SDK1: variants seen among roughly 807,000 people sequenced by gnomAD.
SDK1 encodes the protein protein sidekick-1.
A neutral mutation model predicts 245.5 loss-of-function variants in SDK1; 157 were observed. That is an observed-to-expected ratio of 0.64 (90% CI 0.56 to 0.73). The LOEUF is 0.73. Ranked by LOEUF, SDK1 falls within the 30% of genes least tolerant of loss-of-function variation. SDK1 has a pLI of 0.00. For synonymous variants in SDK1, 1,647 were observed against 1,278.5 expected, an observed-to-expected ratio of 1.29 and a Z score of -6.15; for missense variants, 3,583 against 3,002.3, an observed-to-expected ratio of 1.19 and a Z score of -4.52.
chr7:3,995,112 C>A (rs1196806985), intron 14 of SDK1, among the ~76,000 whole-genome samples: 1 of 152,174 alleles, frequency 6.6e-6, no homozygotes, highest in Non-Finnish European at 1.5e-5. Context: ...TACTATCTGA[C>A]CACCCCCTGC....
chr7:4,175,868 G>A lies in SDK1; in HGVS notation c.4996+34G>A, dbSNP rs761429010. On this transcript the variant is annotated intron_variant, in intron 34 of 44. Coordinates refer to ENST00000404826, the MANE Select transcript of SDK1 (RefSeq NM_152744.4). ...GCTCTCAGCGGGAGGCCCATGCCGC[G>A]AGGCGCACACACTGTGCCCAGAGCC... 3.3e-5 allele frequency: 52 copies of A among 1,587,462 alleles called. No homozygotes were observed. In the South Asian group the frequency reaches 3.3e-4, roughly 10 times the overall value.
chr7:3,570,847 A>G (rs1780092442), intron 1 of SDK1, among the ~76,000 whole-genome samples: 1 of 152,054 alleles, frequency 6.6e-6, no homozygotes, highest in Non-Finnish European at 1.5e-5. Flanking sequence ...TTTTGTCAAT[A>G]TATAAATCTT....
At chr7:4,147,288 C>T (rs1780045947) in intron 29 of SDK1, among the ~76,000 whole-genome samples, 1 of 152,152 alleles carries the variant, frequency 6.6e-6, no homozygotes, top group Admixed American at 6.5e-5. Flanking sequence ...TCAAGCAATG[C>T]TCCCACCTCA....
chr7:4,182,426 A>C (rs1328209073), intron 35 of SDK1, among the ~76,000 whole-genome samples: 2 of 152,360 alleles, frequency 1.3e-5, no homozygotes, highest in East Asian at 3.9e-4. Context: ...AGAGGGGATC[A>C]GAATACCTTT....
chr7:3,374,552 T>A (rs990902280), intron 1 of SDK1, among the ~76,000 whole-genome samples: 1 of 152,162 alleles, frequency 6.6e-6, no homozygotes, highest in Admixed American at 6.5e-5. Context: ...CTTTGGCCAC[T>A]ATACAGGTCT....
intron 1 of SDK1, among the ~76,000 whole-genome samples, chr7:3,586,645 C>A (rs1780697975): frequency 6.8e-6 from 1 of 146,376 alleles, no homozygotes; most frequent in African/African-American, 2.5e-5. Flanking sequence ...GTGGAGGTTG[C>A]AGTGAGCTGA....
chr7:3,883,307 C>G (rs1781252593), intron 5 of SDK1, among the ~76,000 whole-genome samples: 1 of 152,200 alleles, frequency 6.6e-6, no homozygotes, highest in Non-Finnish European at 1.5e-5. Flanking sequence ...TAGCCCTTTG[C>G]TCTGTCTCAA....
chr7:3,325,939 C>G (rs528014353), intron 1 of SDK1, among the ~76,000 whole-genome samples: 1 of 152,062 alleles, frequency 6.6e-6, no homozygotes, highest in South Asian at 2.1e-4. Flanking sequence ...AGAACCATCT[C>G]GCTTGGTTGT....
intron 28 of SDK1, among the ~76,000 whole-genome samples, chr7:4,134,424 G>A (rs2128200968): frequency 6.6e-6 from 1 of 152,302 alleles, no homozygotes; most frequent in Middle Eastern, 3.4e-3. Flanking sequence ...GAAATGGTCT[G>A]CCCAGCAGAC....
chr7:3,959,363 ATTCT>A (rs1781500773), intron 8 of SDK1, among the ~76,000 whole-genome samples: 1 of 152,002 alleles, frequency 6.6e-6, no homozygotes, highest in Admixed American at 6.5e-5. Context: ...GGGGCAGAAA[ATTCT>A]TTCTCATCCA....
chr7:3,895,241 A>T (rs1160061844), intron 5 of SDK1, among the ~76,000 whole-genome samples: 1 of 152,162 alleles, frequency 6.6e-6, no homozygotes, highest in Non-Finnish European at 1.5e-5. Flanking sequence ...ATATTTATTT[A>T]TTGGAGCCTG....
intron 1 of SDK1, among the ~76,000 whole-genome samples, chr7:3,461,600 G>A (rs921683241): frequency 3.3e-5 from 5 of 152,160 alleles, no homozygotes; most frequent in African/African-American, 1.2e-4. Context: ...TAGTAGTTGT[G>A]TGACTTTGGT....
At chr7:3,747,914 C>A (rs1165995433) in intron 4 of SDK1, among the ~76,000 whole-genome samples, 1 of 152,016 alleles carries the variant, frequency 6.6e-6, no homozygotes, top group Non-Finnish European at 1.5e-5. Flanking sequence ...GGGGTCACAG[C>A]ACCTTTTAGG....
chr7:3,477,668 C>G (rs1339732815), intron 1 of SDK1, among the ~76,000 whole-genome samples: 1 of 151,936 alleles, frequency 6.6e-6, no homozygotes, highest in Admixed American at 6.6e-5. Flanking sequence ...CACACACTAC[C>G]ACACCCAGCT....
intron 1 of SDK1, among the ~76,000 whole-genome samples, chr7:3,594,354 T>A (rs114510139): frequency 0.033 from 5,010 of 152,344 alleles, 250 homozygotes; most frequent in African/African-American, 0.11. Context: ...ATTTATCAGT[T>A]GATAGACATT....
intron 25 of SDK1, among the ~76,000 whole-genome samples, chr7:4,123,906 A>G (rs954310839): frequency 1.3e-5 from 2 of 152,172 alleles, no homozygotes; most frequent in Admixed American, 6.5e-5. Context: ...GGCTCTCAGG[A>G]TCAGGGAGCG....
intron 5 of SDK1, among the ~76,000 whole-genome samples, chr7:3,911,823 T>G (rs576191942): frequency 3.8e-4 from 58 of 152,216 alleles, no homozygotes; most frequent in Non-Finnish European, 6.8e-4. Context: ...AAGGGGAAAT[T>G]ATAAATTTCC....
At chr7:3,458,236 T>C (rs576621094) in intron 1 of SDK1, among the ~76,000 whole-genome samples, 9 of 152,266 alleles carry the variant, frequency 5.9e-5, no homozygotes, top group African/African-American at 1.9e-4. Flanking sequence ...TGGGAAGATA[T>C]ATTATTTTCC....
At chr7:3,562,238 TC>T in intron 1 of SDK1, among the ~76,000 whole-genome samples, 1 of 152,216 alleles carries the variant, frequency 6.6e-6, no homozygotes, top group East Asian at 1.9e-4. Context: ...TTCTACCGTT[TC>T]CAAAAATAAC....
Sources: allele counts gnomAD v4.1 joint callset (sites outside exome capture counted in the v4.1 genomes callset), GRCh38; gene constraint gnomAD v4.1.1; transcripts MANE v1.5; gene names NCBI Gene and HGNC (gene_info 2026-07-23, HGNC 2026-07-21).